Variants in AGAP3 observed in about 807,000 individuals in gnomAD.
AGAP3 encodes the protein arf-GAP with GTPase, ANK repeat and PH domain-containing protein 3.
AGAP3 carries 24 observed loss-of-function variants against 96.9 expected under a neutral mutation model. The ratio of observed to expected loss-of-function variants is 0.25; its 90% CI spans 0.18 to 0.35. The LOEUF (loss-of-function observed/expected upper bound fraction) is 0.35. AGAP3 is among the 10% of genes least tolerant of loss of function. AGAP3 has a pLI of 1.00. For synonymous variants in AGAP3, 563 were observed against 536.1 expected (o/e 1.05, Z -0.69); for missense variants, 876 against 1,254.2 (o/e 0.70, Z 4.55).
At chr7:151,120,167 C>T in intron 8 of AGAP3, 22 bp downstream of exon 8, 10 of 1,572,562 alleles carry the variant, frequency 6.4e-6, no homozygotes, top group East Asian at 2.3e-5. Flanking sequence ...CCCTCCTCCC[C>T]CGCCCAGCTG....
chr7:151,099,509 A>G (rs1381969001), intron 1 of AGAP3, among the ~76,000 whole-genome samples: 2 of 152,222 alleles, frequency 1.3e-5, no homozygotes, highest in Non-Finnish European at 2.9e-5. Flanking sequence ...CTTAAAACCT[A>G]GAAGTACAAC....
At chr7:151,116,917 C>A in intron 2 of AGAP3, 66 bp downstream of exon 2, 1 of 1,597,332 alleles carries the variant, frequency 6.3e-7, no homozygotes. Flanking sequence ...GTGCCGCGGG[C>A]CTGGGCCTTG....
chr7:151,120,889 GAC>G (rs1256073786), intron 8 of AGAP3: 2 of 1,106,062 alleles, frequency 1.8e-6, no homozygotes, highest in Non-Finnish European at 2.3e-6. Flanking sequence ...CCCAATGTGC[GAC>G]ACACAGTGCC....
In AGAP3 at chr7:151,140,022, T is replaced by C. The variant is rs1227399097; in HGVS notation, c.1710T>C (p.Asp570=). 1 of 1,599,710 alleles carries C rather than the reference T, an allele frequency of 6.3e-7. No homozygotes were observed. The highest frequency in any genetic ancestry group is 8.5e-7 in the Non-Finnish European group (1 of 1,173,926). The part of the protein sequence containing the change: ...AEVLSSSPKL[D]PPPSPHSNRK... ...TACTCAGTTCCAGCCCCAAGCTGGA[T>C]CCTCCCCCATCTCCCCACTCCAACC... The change falls in exon 13 of 18, where the codon GAT becomes GAC. Residue 570 remains aspartate (D), a synonymous_variant. Coordinates refer to ENST00000397238, the MANE Select transcript of AGAP3 (RefSeq NM_031946.7). This position sits in a 1 kb window ranked among gnomAD's most constrained non-coding sequence, Gnocchi z 5.4.
At position 151,133,358 on chromosome 7, in the gene AGAP3, G is replaced by T. The variant is rs1189286273; in HGVS notation, c.1327-1042G>T. On this transcript the variant is annotated intron_variant, in intron 10 of 17. Transcript: ENST00000397238. This position sits in a 1 kb window ranked among gnomAD's most constrained non-coding sequence, Gnocchi z 5.4. Reference sequence around the variant, plus strand: ...TAAACACTTGTCAAACAGTTTAAAGGGAAGCCTCTGGAGGAGAGGCTGGAA... The same window carrying T: ...TAAACACTTGTCAAACAGTTTAAAGTGAAGCCTCTGGAGGAGAGGCTGGAA... Among the ~76,000 whole-genome samples the T allele has an allele frequency of 6.6e-6, 1 of 152,200 alleles. No homozygotes were observed. Among genetic ancestry groups the T allele is most frequent in the African/African-American group, 2.4e-5 (1 of 41,446 alleles).
At chr7:151,098,521 C>T (rs1394743725) in intron 1 of AGAP3, among the ~76,000 whole-genome samples, 5 of 151,968 alleles carry the variant, frequency 3.3e-5, no homozygotes, top group Non-Finnish European at 7.4e-5. Flanking sequence ...GGTGTGGTGG[C>T]GTGCGCCTAT....
intron 1 of AGAP3, among the ~76,000 whole-genome samples, chr7:151,112,774 A>AT (rs1218722809): frequency 3.3e-5 from 5 of 151,302 alleles, no homozygotes; most frequent in South Asian, 4.2e-4. Flanking sequence ...AATTTTTCAT[A>AT]TTTTTTTTGT....
At chr7:151,103,448 C>T (rs561946225) in intron 1 of AGAP3, among the ~76,000 whole-genome samples, 1 of 152,246 alleles carries the variant, frequency 6.6e-6, no homozygotes, top group South Asian at 2.1e-4. Context: ...AGATTCCCCC[C>T]ACCCCCAGCT....
Position 151,108,818 on chromosome 7 carries a change from C to T in AGAP3, c.332-7975C>T, listed in dbSNP as rs1799163118. ...GTGTAACTGCAGGCAAGTGACTTCCCCTCTCTGGGTGTCAATGCCCTCATC... is the reference window on the plus strand; with the variant it reads ...GTGTAACTGCAGGCAAGTGACTTCCTCTCTCTGGGTGTCAATGCCCTCATC... On this transcript the variant is annotated intron_variant, in intron 1 of 17. Coordinates refer to ENST00000397238, the MANE Select transcript of AGAP3 (RefSeq NM_031946.7). This position sits in a 1 kb window ranked among gnomAD's most constrained non-coding sequence, Gnocchi z 4.2. Among the ~76,000 whole-genome samples the T allele has an allele frequency of 6.6e-6, 1 of 152,188 alleles. No individual in the cohort carries two copies. The highest frequency in any genetic ancestry group is 1.9e-4 in the East Asian group (1 of 5,192).
chr7:151,141,792 G>GTGTGT lies in AGAP3; in HGVS notation c.1805-106_1805-105insTGTGT. 6.8e-7 allele frequency: 1 copy of GTGTGT among 1,459,948 alleles called. No homozygotes were observed. Among genetic ancestry groups the GTGTGT allele is most frequent in the Non-Finnish European group, 9.6e-7 (1 of 1,046,464 alleles). The allele number at this position is 1,459,948 out of a possible 1,614,324, so 90.4% of individuals were successfully genotyped here. The stretch of plus-strand genomic sequence containing the variant: ...TGCAGCTGGGGAAGGGTCTAGGGGA[G>GTGTGT]GACACTTGCCAGTGGAGCAGGGTAG... On this transcript the variant is annotated intron_variant, in intron 13 of 17. Coordinates refer to ENST00000397238, the MANE Select transcript of AGAP3 (RefSeq NM_031946.7). This position sits in a 1 kb window ranked among gnomAD's most constrained non-coding sequence, Gnocchi z 4.2.
Position 151,142,637 on chromosome 7 carries a change from G to T in AGAP3, c.2273+3G>T. The T allele has an allele frequency of 6.2e-7, 1 of 1,611,398 alleles. No individual in the cohort carries two copies. The highest frequency in any genetic ancestry group is 1.1e-5 in the South Asian group (1 of 91,014). On this transcript the variant is annotated splice_donor_region_variant and intron_variant, in intron 16 of 17. Transcript: ENST00000397238. This position sits in a 1 kb window ranked among gnomAD's most constrained non-coding sequence, Gnocchi z 7.5. ...AAGCCAGGGCCTGATGCCTGCAGGTGAGCAGATGGTGCCCTGGAGCTGGCC... is the reference window on the plus strand; with the variant it reads ...AAGCCAGGGCCTGATGCCTGCAGGTTAGCAGATGGTGCCCTGGAGCTGGCC...
intron 1 of AGAP3, among the ~76,000 whole-genome samples, chr7:151,110,407 GC>G (rs1799231314): frequency 6.6e-6 from 1 of 152,208 alleles, no homozygotes; most frequent in Non-Finnish European, 1.5e-5. Flanking sequence ...TCAGGGACAA[GC>G]AGGGCAGAGG....
chr7:151,119,817 C>A (rs1481411421), intron 7 of AGAP3, among the ~76,000 whole-genome samples, 170 bp from the exon 8 acceptor site: 1 of 152,208 alleles, frequency 6.6e-6, no homozygotes, highest in African/African-American at 2.4e-5. Context: ...ATCCTGCTGG[C>A]CTCCAGGCCA....
intron 12 of AGAP3, 139 bp downstream of exon 12, chr7:151,138,452 C>T: frequency 9.8e-7 from 1 of 1,021,860 alleles, no homozygotes; most frequent in Non-Finnish European, 1.4e-6. Context: ...CTGGGCCCTC[C>T]TGGGCTTGTC....
chr7:151,097,711 C>A (rs2150415372), intron 1 of AGAP3, among the ~76,000 whole-genome samples: 1 of 152,002 alleles, frequency 6.6e-6, no homozygotes, highest in South Asian at 2.1e-4. Context: ...GCGCTACACT[C>A]TTCAACAGCC....
intron 11 of AGAP3, chr7:151,136,433 T>C (rs1434620554): frequency 6.6e-6 from 1 of 152,240 alleles, no homozygotes; most frequent in African/African-American, 2.4e-5. Flanking sequence ...CGCTGCCGCA[T>C]GCCGACGCCG....
At position 151,122,834 on chromosome 7, in the gene AGAP3, G is replaced by A. The variant is rs765340754; in HGVS notation, c.1129-960G>A. 16 of 1,611,816 alleles carry A rather than the reference G, an allele frequency of 9.9e-6. No homozygotes were observed. In the East Asian group the frequency reaches 2.5e-4, roughly 25 times the overall value. ...GCACCTCTGGACATGCCCCCTGTGC[G>A]GGGCCGGAGGCGGGCCGGGCCCTGG... On this transcript the variant is annotated intron_variant, in intron 8 of 17. Transcript: ENST00000397238.
chr7:151,117,529 G>C, intron 4 of AGAP3, 73 bp downstream of exon 4: 1 of 1,612,786 alleles, frequency 6.2e-7, no homozygotes, highest in Non-Finnish European at 8.5e-7. Flanking sequence ...GGTTGGGACT[G>C]GGAGAGGTGG....
intron 8 of AGAP3, chr7:151,120,943 C>T (rs1799854099): frequency 3.5e-6 from 3 of 866,542 alleles, no homozygotes; most frequent in African/African-American, 1.8e-5. Context: ...GCTGGATGTT[C>T]CAGGAGTCTT....
Sources: allele counts gnomAD v4.1 joint callset (sites outside exome capture counted in the v4.1 genomes callset), GRCh38; gene constraint gnomAD v4.1.1; non-coding constraint Gnocchi (gnomAD v3.1); transcripts MANE v1.5; gene names NCBI Gene and HGNC (gene_info 2026-07-23, HGNC 2026-07-21).